Variants in DISP1 observed in about 807,000 individuals in gnomAD.
The protein encoded by DISP1 is protein dispatched homolog 1.
In DISP1, 30 loss-of-function variants were observed where a neutral mutation model predicts 37.3. The ratio of observed to expected loss-of-function variants is 0.80; its 90% confidence interval spans 0.60 to 1.09. DISP1 has a LOEUF of 1.09. Among genes scored for constraint, DISP1 ranks in the 50% least tolerant of loss-of-function variants. The probability of loss-of-function intolerance (pLI) is 0.00; values close to 1 mark genes in which losing one functional copy is unlikely to be tolerated. For synonymous variants in DISP1, 634 were observed against 690.2 expected (o/e 0.92, Z 1.28); for missense variants, 1,598 against 1,879.5 (o/e 0.85, Z 2.77).
intron 1 of DISP1, chr1:222,835,075 C>T (rs947278172): frequency 3.9e-5 from 6 of 151,982 alleles, no homozygotes; most frequent in African/African-American, 9.7e-5. Flanking sequence ...TGGGTTTCAG[C>T]GTTTGTTTTT....
In DISP1 at chr1:223,005,293, C is replaced by G; in HGVS notation, c.3896C>G (p.Ser1299Cys). ...GGGGACTGCTTGTGCCACCAGTGCT[C>G]TCCTACCACTAGCAGCTTTGTCCAG... ...QMGDCLCHQCSPTTSSFVQIQ... is the reference protein window; with the variant it reads ...QMGDCLCHQCCPTTSSFVQIQ... The change falls in exon 9 of 9, where the codon TCT (serine) becomes TGT (cysteine). Residue 1299 changes from serine to cysteine, a missense_variant. Physicochemically the swap from Ser to Cys is moderately radical, Grantham distance 112. Coordinates refer to ENST00000675850, the MANE Select transcript of DISP1 (RefSeq NM_001377229.1). 6.2e-7 allele frequency: 1 copy of G among 1,613,794 alleles called. No individual in the cohort carries two copies. The highest frequency in any genetic ancestry group is 8.5e-7 in the Non-Finnish European group (1 of 1,180,028).
intron 1 of DISP1, among the ~76,000 whole-genome samples, chr1:222,820,686 C>A (rs1181236718): frequency 2.6e-5 from 4 of 152,112 alleles, no homozygotes; most frequent in African/African-American, 7.2e-5. Context: ...TTAGAAGAAA[C>A]CTTAGGCAAG....
chr1:222,970,178 C>A (rs1676826690), intron 3 of DISP1, among the ~76,000 whole-genome samples: 1 of 152,134 alleles, frequency 6.6e-6, no homozygotes, highest in Non-Finnish European at 1.5e-5. Context: ...CTCAACATGA[C>A]CATCTTTAGT....
At chr1:222,997,946 T>C (rs976536031) in intron 8 of DISP1, among the ~76,000 whole-genome samples, 4 of 152,214 alleles carry the variant, frequency 2.6e-5, no homozygotes, top group Non-Finnish European at 5.9e-5. Context: ...GCCCCAAAAG[T>C]CTACCTCAAA....
chr1:222,954,948 G>A (rs1009837716), intron 3 of DISP1, among the ~76,000 whole-genome samples: 2 of 152,048 alleles, frequency 1.3e-5, no homozygotes, highest in Admixed American at 1.3e-4. Flanking sequence ...ATAAGTGGTG[G>A]TGGGGTGGGG....
At chr1:222,844,519 C>A (rs1254929569) in intron 1 of DISP1, among the ~76,000 whole-genome samples, 1 of 151,918 alleles carries the variant, frequency 6.6e-6, no homozygotes, top group African/African-American at 2.4e-5. Context: ...TGTATTAGAC[C>A]GTTAAAACAA....
chr1:222,880,924 G>A (rs1670236038), intron 1 of DISP1, among the ~76,000 whole-genome samples: 1 of 151,992 alleles, frequency 6.6e-6, no homozygotes, highest in African/African-American at 2.4e-5. Flanking sequence ...AGCTGGGTGT[G>A]GTGGTGTGCA....
chr1:222,987,761 C>A (rs1678384284), intron 4 of DISP1, among the ~76,000 whole-genome samples: 1 of 152,160 alleles, frequency 6.6e-6, no homozygotes, highest in African/African-American at 2.4e-5. Context: ...AAATGCATAA[C>A]TTCTGATTCA....
At chr1:222,890,386 T>C (rs1354685169) in intron 1 of DISP1, among the ~76,000 whole-genome samples, 5 of 152,050 alleles carry the variant, frequency 3.3e-5, no homozygotes, top group Non-Finnish European at 7.4e-5. Context: ...TCAAAGTGAG[T>C]AATACAGGGA....
intron 3 of DISP1, among the ~76,000 whole-genome samples, chr1:222,966,215 G>A (rs1676476634): frequency 6.6e-6 from 1 of 152,094 alleles, no homozygotes; most frequent in Admixed American, 6.6e-5. Context: ...GTTGATTCAG[G>A]TGGGAACTCA....
intron 7 of DISP1, among the ~76,000 whole-genome samples, chr1:222,994,647 C>T (rs1678929643): frequency 6.6e-6 from 1 of 151,968 alleles, no homozygotes; most frequent in South Asian, 2.1e-4. Context: ...CTATATAATT[C>T]ATACAATTTT....
At chr1:222,891,599 A>T (rs1468538176) in intron 1 of DISP1, among the ~76,000 whole-genome samples, 1 of 152,190 alleles carries the variant, frequency 6.6e-6, no homozygotes, top group African/African-American at 2.4e-5. Context: ...AGCAGGAAAA[A>T]CAATATGCAG....
intron 1 of DISP1, among the ~76,000 whole-genome samples, chr1:222,860,139 C>T (rs1323886240): frequency 6.6e-6 from 1 of 152,236 alleles, no homozygotes. Context: ...TCACCACAAC[C>T]TCTGCCTCCC....
intron 3 of DISP1, among the ~76,000 whole-genome samples, chr1:222,955,476 G>T (rs1459778971): frequency 2.6e-5 from 4 of 152,200 alleles, no homozygotes; most frequent in African/African-American, 9.6e-5. Flanking sequence ...TATGCATTCG[G>T]TAGAAATTGT....
At chr1:222,967,378 A>T (rs1160450908) in intron 3 of DISP1, among the ~76,000 whole-genome samples, 1 of 152,130 alleles carries the variant, frequency 6.6e-6, no homozygotes, top group Non-Finnish European at 1.5e-5. Flanking sequence ...GTTCAATTTT[A>T]GTGTGGAGAA....
intron 1 of DISP1, among the ~76,000 whole-genome samples, chr1:222,826,106 A>G (rs1157305460): frequency 6.6e-6 from 1 of 151,478 alleles, no homozygotes; most frequent in South Asian, 2.1e-4. Context: ...GTCTCGTTTC[A>G]TTGCCTATGT....
At chr1:222,883,760 A>G (rs1367211429) in intron 1 of DISP1, among the ~76,000 whole-genome samples, 1 of 152,250 alleles carries the variant, frequency 6.6e-6, no homozygotes, top group Non-Finnish European at 1.5e-5. Flanking sequence ...GTTAAAATAT[A>G]TACTAGGCTC....
At chr1:222,902,745 G>A (rs1171462311) in intron 1 of DISP1, among the ~76,000 whole-genome samples, 3 of 151,974 alleles carry the variant, frequency 2.0e-5, no homozygotes, top group Non-Finnish European at 4.4e-5. Flanking sequence ...TCAAAACCAC[G>A]ATAAGATACC....
chr1:222,962,525 A>G (rs1253097097), intron 3 of DISP1, among the ~76,000 whole-genome samples: 1 of 152,240 alleles, frequency 6.6e-6, no homozygotes, highest in Non-Finnish European at 1.5e-5. Flanking sequence ...CCTGACTTCA[A>G]ACTTTACCAC....
Sources: gnomAD v4.1 joint callset for allele counts (sites outside exome capture counted in the v4.1 genomes callset) on GRCh38, gnomAD v4.1.1 for gene constraint, MANE v1.5 for transcripts, NCBI Gene and HGNC (gene_info 2026-07-23, HGNC 2026-07-21) for gene names.